Variants in MTMR8 observed in about 807,000 individuals in gnomAD.
The protein encoded by MTMR8 is myotubularin related protein 8.
In MTMR8, 65 loss-of-function variants were observed where a neutral mutation model predicts 39.3. That is an observed-to-expected ratio of 1.65 (90% CI 1.35 to 2.03). MTMR8 has a LOEUF of 2.03. Ranked by LOEUF, MTMR8 falls within the 30% of genes most tolerant of loss-of-function variation. MTMR8 has a pLI of 0.00. For missense variants in MTMR8, 777 were observed against 538.9 expected (o/e 1.44, Z -4.37); for synonymous variants, 245 against 185.2 (o/e 1.32, Z -2.62).
intron 1 of MTMR8, among the ~76,000 whole-genome samples, chrX:64,363,395 T>A (rs1303713548): frequency 9.0e-6 from 1 of 111,227 alleles, no homozygotes; most frequent in East Asian, 2.8e-4. Context: ...TGATAATGAC[T>A]GAATTCTTGT....
chrX:64,317,203 T>C (rs897301606), intron 12 of MTMR8, among the ~76,000 whole-genome samples: 2 of 111,693 alleles, frequency 1.8e-5, no homozygotes, highest in South Asian at 3.7e-4. Context: ...TCCTGTTTGA[T>C]GTTCACTCAG....
intron 1 of MTMR8, among the ~76,000 whole-genome samples, chrX:64,380,937 G>T (rs995641212): frequency 4.5e-5 from 5 of 111,819 alleles, no homozygotes; most frequent in South Asian, 3.7e-4. Flanking sequence ...TCATTTTTTA[G>T]GGCTGCGTAG....
chrX:64,360,470 G>A (rs1369878521), intron 1 of MTMR8: 2 of 200,963 alleles, frequency 1.0e-5, no homozygotes, highest in African/African-American at 3.1e-5. Context: ...TATATACAGA[G>A]TAGGACTCTA....
intron 11 of MTMR8, among the ~76,000 whole-genome samples, chrX:64,329,751 A>C (rs1262063205): frequency 3.6e-5 from 4 of 111,322 alleles, no homozygotes; most frequent in African/African-American, 1.3e-4. Context: ...TTGTCAGAGC[A>C]TTTCAGTGAG....
At position 64,268,273 on chromosome X, in the gene MTMR8, T is replaced by A. The variant is rs964472858; in HGVS notation, c.*264A>T. 1 of 345,608 alleles carries A rather than the reference T, an allele frequency of 2.9e-6. No individual in the cohort carries two copies. Among genetic ancestry groups the A allele is most frequent in the African/African-American group, 2.6e-5 (1 of 38,922 alleles). 28.5% of individuals were successfully genotyped at this position (345,608 alleles called of 1,213,427 possible). ...GACAGTAGAACCAGCTTAATATGTG[T>A]CTCAGCTGAGAGGCAACATTTCTAT... On this transcript the variant is annotated 3_prime_UTR_variant, in exon 14 of 14. Transcript: ENST00000374852.
chrX:64,348,599 T>C (rs750391108), intron 6 of MTMR8, 61 bp downstream of exon 6: 19 of 1,169,632 alleles, frequency 1.6e-5, no homozygotes, highest in Non-Finnish European at 2.2e-5. Flanking sequence ...CATGTCTCAA[T>C]ATATGAGGAG....
intron 1 of MTMR8, among the ~76,000 whole-genome samples, chrX:64,382,963 A>G (rs1040091411): frequency 4.5e-5 from 5 of 110,894 alleles, no homozygotes; most frequent in African/African-American, 1.6e-4. Flanking sequence ...GAACACATTC[A>G]TCCCATTCAT....
intron 12 of MTMR8, among the ~76,000 whole-genome samples, chrX:64,322,520 C>T (rs954175598): frequency 9.8e-5 from 11 of 111,797 alleles, no homozygotes; most frequent in Non-Finnish European, 1.7e-4. Flanking sequence ...GCAGTGAGGC[C>T]ATTAAGTCCT....
intron 1 of MTMR8, among the ~76,000 whole-genome samples, chrX:64,382,964 T>A (rs1296386234): frequency 9.0e-6 from 1 of 110,815 alleles, no homozygotes; most frequent in East Asian, 2.8e-4. Flanking sequence ...AACACATTCA[T>A]CCCATTCATC....
At chrX:64,390,654 T>C (rs1924668190) in intron 1 of MTMR8, among the ~76,000 whole-genome samples, 1 of 110,892 alleles carries the variant, frequency 9.0e-6, no homozygotes, top group Non-Finnish European at 1.9e-5. Flanking sequence ...TACCATAAAA[T>C]TCACCCTTTT....
intron 12 of MTMR8, among the ~76,000 whole-genome samples, chrX:64,322,520 C>CA (rs750599658): frequency 8.9e-6 from 1 of 111,797 alleles, no homozygotes; most frequent in Non-Finnish European, 1.9e-5. Context: ...GCAGTGAGGC[C>CA]ATTAAGTCCT....
At chrX:64,332,793 C>T (rs982824161) in intron 10 of MTMR8, among the ~76,000 whole-genome samples, 7 of 111,662 alleles carry the variant, frequency 6.3e-5, no homozygotes, top group Admixed American at 5.7e-4. Flanking sequence ...ACCTCTACTC[C>T]AGCCTTTTGA....
At chrX:64,280,378 G>T (rs1569208420) in intron 12 of MTMR8, among the ~76,000 whole-genome samples, 1 of 111,981 alleles carries the variant, frequency 8.9e-6, no homozygotes, top group Non-Finnish European at 1.9e-5. Context: ...TCTCTGGGAG[G>T]CAAGGCTGGT....
chrX:64,309,689 G>A (rs1205686513), intron 12 of MTMR8, among the ~76,000 whole-genome samples: 3 of 111,525 alleles, frequency 2.7e-5, no homozygotes, highest in Non-Finnish European at 3.8e-5. Flanking sequence ...GATAATGTAG[G>A]TTCAGTTCCA....
At chrX:64,369,544 C>T (rs1392714625) in intron 1 of MTMR8, among the ~76,000 whole-genome samples, 1 of 110,646 alleles carries the variant, frequency 9.0e-6, no homozygotes, top group African/African-American at 3.3e-5. Flanking sequence ...TGTTCTCACT[C>T]ACAGGTGGGA....
chrX:64,365,937 A>C (rs1923940798), intron 1 of MTMR8, among the ~76,000 whole-genome samples: 1 of 111,309 alleles, frequency 9.0e-6, no homozygotes, highest in Non-Finnish European at 1.9e-5. Context: ...AATGGAAAGC[A>C]AAAAAAAGCA....
At chrX:64,376,827 C>A (rs1924282717) in intron 1 of MTMR8, among the ~76,000 whole-genome samples, 1 of 111,987 alleles carries the variant, frequency 8.9e-6, no homozygotes, top group African/African-American at 3.2e-5. Flanking sequence ...TTTCAGAGAC[C>A]TTCACAGCAG....
chrX:64,311,651 C>A (rs1285802012), intron 12 of MTMR8, among the ~76,000 whole-genome samples: 2 of 111,183 alleles, frequency 1.8e-5, no homozygotes, highest in African/African-American at 6.6e-5. Context: ...GTCTTTAATC[C>A]ATCTGGAATT....
At position 64,349,943 on chromosome X, in the gene MTMR8, T is replaced by A. The variant is rs958120304; in HGVS notation, c.596A>T (p.Asn199Ile). ...PVLSYLYKEN[N>I]AAICRCSQPL... ...ATTAGAGAAATCTGCTTAACTTACA[T>A]TGTTCTCTTTGTAGAGGTAGGAGAG... is the stretch of plus-strand genomic sequence containing the variant. The change falls in exon 5 of 14, where the codon AAT becomes ATT. Residue 199 changes from asparagine (N) to isoleucine (I), a missense_variant and splice_region_variant. Asn to Ile is a moderately radical substitution (Grantham distance 149, BLOSUM62 -3). Coordinates refer to ENST00000374852, the MANE Select transcript of MTMR8 (RefSeq NM_017677.4). The A allele has an allele frequency of 6.1e-6, 7 of 1,154,404 alleles. No homozygotes were observed. Among genetic ancestry groups the A allele is most frequent in the Non-Finnish European group, 8.1e-6 (7 of 867,059 alleles).
Sources: allele counts gnomAD v4.1 joint callset (sites outside exome capture counted in the v4.1 genomes callset), GRCh38; gene constraint gnomAD v4.1.1; transcripts MANE v1.5; gene names NCBI Gene and HGNC (gene_info 2026-07-23, HGNC 2026-07-21).